The following RAB2B variants were observed in gnomAD, a reference collection of about 807,000 sequenced individuals.
RAB2B encodes the protein RAB2B, member RAS oncogene family.
In RAB2B, 20 loss-of-function variants were observed where a neutral mutation model predicts 29.8. The observed-to-expected ratio is 0.67, with a 90% CI of 0.47 to 0.97. The LOEUF (loss-of-function observed/expected upper bound fraction) is 0.97. Among genes scored for constraint, RAB2B ranks in the 50% least tolerant of loss-of-function variants. The probability of loss-of-function intolerance (pLI) is 0.00; values close to 1 mark genes in which losing one functional copy is unlikely to be tolerated. For missense variants in RAB2B, 218 were observed against 272.0 expected (o/e 0.80, Z 1.40); for synonymous variants, 93 against 91.7 (o/e 1.01, Z -0.08).
chr14:21,466,940 TC>T (rs1012443736), intron 5 of RAB2B, among the ~76,000 whole-genome samples: 4 of 152,054 alleles, frequency 2.6e-5, no homozygotes, highest in African/African-American at 9.7e-5. Context: ...AAAGTCTCAC[TC>T]TGTCGCCCTG....
intron 3 of RAB2B, among the ~76,000 whole-genome samples, chr14:21,469,947 TTTTTTTTTTTC>T (rs1395230363): frequency 7.3e-6 from 1 of 136,170 alleles, no homozygotes; most frequent in African/African-American, 3.1e-5. Flanking sequence ...TATTATTCCC[TTTTTTTTTTTC>T]TTTTTTTTTT....
chr14:21,460,699 C>A lies in RAB2B; in HGVS notation c.*497G>T, dbSNP rs894707488. The A allele has an allele frequency of 2.0e-5, 3 of 152,984 alleles. No individual in the cohort carries two copies. Among genetic ancestry groups the A allele is most frequent in the Non-Finnish European group, 4.4e-5 (3 of 68,782 alleles). The allele number at this position is 152,984 out of a possible 1,614,324, so 9.5% of individuals were successfully genotyped here. On this transcript the variant is annotated 3_prime_UTR_variant, in exon 8 of 8. Transcript: ENST00000397762. ...CGTGATCTTGGCTTAGCGTAACCTT[C>A]ACCTCCTGGGTTCAAGCGATTCTCC...
At chr14:21,469,124 A>G (rs917163694) in intron 3 of RAB2B, among the ~76,000 whole-genome samples, 5 of 152,040 alleles carry the variant, frequency 3.3e-5, no homozygotes, top group Middle Eastern at 3.4e-3. Flanking sequence ...AACAACTGGA[A>G]ATAGGACTGG....
At chr14:21,474,750 C>T in intron 3 of RAB2B, 117 bp downstream of exon 3, 1 of 773,476 alleles carries the variant, frequency 1.3e-6, no homozygotes, top group African/African-American at 1.7e-5. Context: ...TTTGATTTCA[C>T]CTTTCCCCTA....
At chr14:21,462,202 T>TAAAAA in intron 7 of RAB2B, 148 bp downstream of exon 7, 2 of 404,352 alleles carry the variant, frequency 4.9e-6, no homozygotes, top group Non-Finnish European at 8.2e-6. Context: ...TACCTAGATT[T>TAAAAA]AAAAAAAAAA....
At chr14:21,471,866 G>A (rs1055566842) in intron 3 of RAB2B, among the ~76,000 whole-genome samples, 2 of 151,510 alleles carry the variant, frequency 1.3e-5, no homozygotes, top group African/African-American at 4.8e-5. Flanking sequence ...AGTAGAGATG[G>A]GGTTTCACCA....
chr14:21,474,635 T>C (rs1338501986), intron 3 of RAB2B: 1 of 466,230 alleles, frequency 2.1e-6, no homozygotes, highest in South Asian at 3.5e-5. Context: ...AAATTTATAT[T>C]GTTTGATTTT....
At chr14:21,466,111 G>A (rs893395377) in intron 5 of RAB2B, among the ~76,000 whole-genome samples, 10 of 152,218 alleles carry the variant, frequency 6.6e-5, no homozygotes, top group African/African-American at 2.4e-4. Flanking sequence ...AGCTGCACAA[G>A]AGCAGGGGGA....
At chr14:21,469,263 G>A (rs1361485441) in intron 3 of RAB2B, among the ~76,000 whole-genome samples, 1 of 152,046 alleles carries the variant, frequency 6.6e-6, no homozygotes, top group Non-Finnish European at 1.5e-5. Context: ...TGGTCTAATA[G>A]AAATTTCATT....
At chr14:21,463,179 A>G (rs566344726) in intron 6 of RAB2B, among the ~76,000 whole-genome samples, 1 of 152,284 alleles carries the variant, frequency 6.6e-6, no homozygotes, top group East Asian at 1.9e-4. Context: ...GAATCAGGGT[A>G]AAAGAAAATG....
intron 3 of RAB2B, among the ~76,000 whole-genome samples, chr14:21,472,912 C>T (rs1412565738): frequency 1.3e-5 from 2 of 151,884 alleles, no homozygotes; most frequent in South Asian, 4.2e-4. Flanking sequence ...TTCATCTGGG[C>T]CAGGTGCCAA....
intron 3 of RAB2B, 58 bp downstream of exon 3, chr14:21,474,809 C>T: frequency 5.7e-6 from 8 of 1,411,300 alleles, no homozygotes; most frequent in Non-Finnish European, 7.0e-6. Context: ...TCCTTTGCAT[C>T]AGCTTTTCTT....
At chr14:21,471,309 C>T (rs1247808048) in intron 3 of RAB2B, among the ~76,000 whole-genome samples, 2 of 151,694 alleles carry the variant, frequency 1.3e-5, no homozygotes, top group African/African-American at 4.8e-5. Flanking sequence ...CCTTGGCCAT[C>T]CCCAGTAAAA....
At chr14:21,463,424 T>G (rs1322393498) in intron 6 of RAB2B, among the ~76,000 whole-genome samples, 3 of 152,016 alleles carry the variant, frequency 2.0e-5, no homozygotes, top group East Asian at 3.9e-4. Context: ...TTTTTTGTAT[T>G]TTAGTAGAGA....
intron 5 of RAB2B, among the ~76,000 whole-genome samples, chr14:21,467,065 C>G (rs1366219939): frequency 6.6e-6 from 1 of 152,116 alleles, no homozygotes; most frequent in Non-Finnish European, 1.5e-5. Context: ...TGCCACCACG[C>G]CTGGCTACTT....
At position 21,460,538 on chromosome 14, in the gene RAB2B, T is replaced by C. The variant is rs1267302522; in HGVS notation, c.*658A>G. On this transcript the variant is annotated 3_prime_UTR_variant, in exon 8 of 8. Coordinates refer to ENST00000397762, the MANE Select transcript of RAB2B (RefSeq NM_032846.4). ...AAGTGGAGGTTGCAGTGAGCCAAGA[T>C]CATGCCACTGCACTCCAGCCTGGAG... 7.0e-5 allele frequency: 12 copies of C among 170,706 alleles called. No individual in the cohort carries two copies. The highest frequency in any genetic ancestry group is 3.7e-4 in the African/African-American group (12 of 32,620). The allele number at this position is 170,706 out of a possible 1,614,324, so 10.6% of individuals were successfully genotyped here.
chr14:21,476,395 C>T lies in RAB2B; in HGVS notation c.118+133G>A, dbSNP rs1451967550. 1.7e-5 allele frequency: 15 copies of T among 860,608 alleles called. No homozygotes were observed. The East Asian group carries it at 3.7e-4, about 21-fold the overall frequency. The allele number at this position is 860,608 out of a possible 1,614,324, so 53.3% of individuals were successfully genotyped here. On this transcript the variant is annotated intron_variant, in intron 2 of 7. Transcript: ENST00000397762. ...AACGTTTCATTGGTCACTTCATTAA[C>T]ATAAGTTTGGACTAGTTTAAAGTAG...
At chr14:21,474,148 G>A (rs1004644501) in intron 3 of RAB2B, among the ~76,000 whole-genome samples, 4 of 151,698 alleles carry the variant, frequency 2.6e-5, no homozygotes, top group Admixed American at 6.6e-5. Context: ...CCAAGATTAC[G>A]CCATTGCATT....
intron 3 of RAB2B, among the ~76,000 whole-genome samples, chr14:21,472,061 A>G (rs1890831079): frequency 6.6e-6 from 1 of 152,212 alleles, no homozygotes; most frequent in African/African-American, 2.4e-5. Context: ...TACAGTTTGA[A>G]GTATCAACTC....
Sources: allele counts gnomAD v4.1 joint callset (sites outside exome capture counted in the v4.1 genomes callset), GRCh38; gene constraint gnomAD v4.1.1; transcripts MANE v1.5; gene names NCBI Gene and HGNC (gene_info 2026-07-23, HGNC 2026-07-21).